LSS: variants seen among roughly 807,000 people sequenced by gnomAD.
LSS encodes the protein 2,3-epoxysqualene-lanosterol cyclase.
A neutral mutation model predicts 110.3 loss-of-function variants in LSS; 90 were observed. That is an observed-to-expected ratio of 0.82 (90% confidence interval 0.69 to 0.97). The LOEUF (loss-of-function observed/expected upper bound fraction) is 0.97. Ranked by LOEUF, LSS falls within the 50% of genes least tolerant of loss-of-function variation. The pLI is 0.00. For synonymous variants in LSS, 433 were observed against 400.0 expected, an observed-to-expected ratio of 1.08 and a Z score of -0.98; for missense variants, 927 against 990.0, an observed-to-expected ratio of 0.94 and a Z score of 0.85.
At chr21:46,225,422 C>T (rs1219521712) in intron 3 of LSS, 2 of 452,830 alleles carry the variant, frequency 4.4e-6, no homozygotes, top group African/African-American at 4.0e-5. Flanking sequence ...CAAGGAAAAA[C>T]ACCCGCTACT....
chr21:46,196,338 C>T, intron 17 of LSS, 71 bp from the exon 18 acceptor site: 1 of 1,251,358 alleles, frequency 8.0e-7, no homozygotes, highest in Non-Finnish European at 1.2e-6. Context: ...TCCATCCTTT[C>T]CAGGGTCTCA....
At chr21:46,217,243 C>CAAAA (rs752647829) in intron 6 of LSS, among the ~76,000 whole-genome samples, 1 of 42,378 alleles carries the variant, frequency 2.4e-5, no homozygotes, top group Non-Finnish European at 5.5e-5. Context: ...GACTCTGTCT[C>CAAAA]AAAAAAAAAA....
rs116901161 is a variant in LSS at position 46,220,175 on chromosome 21, C to G, written c.551-603G>C. On this transcript the variant is annotated intron_variant, in intron 5 of 21. Coordinates refer to ENST00000397728, the MANE Select transcript of LSS (RefSeq NM_002340.6). ...TCTGAGGAGTCCCTGCTCCAAACCC[C>G]AAAAGGTATGCAAAAGTCAATAAAG... The G allele has an allele frequency of 2.8e-3, 430 of 152,468 alleles. 16 individuals carry two copies. In the East Asian group the frequency reaches 0.073, roughly 26 times the overall value. 9.4% of individuals were successfully genotyped at this position (152,468 alleles called of 1,614,324 possible). A position where few individuals can be genotyped will look rare whatever the true frequency, so the allele number is the denominator to read the frequency against.
At chr21:46,212,273 G>A (rs549543571) in intron 11 of LSS, among the ~76,000 whole-genome samples, 78 of 152,338 alleles carry the variant, frequency 5.1e-4, no homozygotes, top group South Asian at 1.7e-3. Context: ...CTGGGCCCAC[G>A]TGTATCCATC....
intron 7 of LSS, 53 bp from the exon 8 acceptor site, chr21:46,215,846 G>A (rs2080200623): frequency 1.6e-6 from 2 of 1,250,666 alleles, no homozygotes; most frequent in South Asian, 1.3e-5. Flanking sequence ...GGTAGGCCTG[G>A]CTCAAACCAG....
At chr21:46,213,400 C>T (rs1473704002) in intron 10 of LSS, among the ~76,000 whole-genome samples, 1 of 152,226 alleles carries the variant, frequency 6.6e-6, no homozygotes, top group African/African-American at 2.4e-5. Flanking sequence ...GCTCTCTGCC[C>T]TCCATGACAG....
Position 46,216,676 on chromosome 21 carries a change from T to C in LSS, c.648-152A>G. On this transcript the variant is annotated intron_variant, in intron 6 of 21. Coordinates refer to ENST00000397728, the MANE Select transcript of LSS (RefSeq NM_002340.6). The surrounding 1 kb of genome is among the most constrained non-coding windows in gnomAD (Gnocchi z 4.2). ...ATCTGCGGGCATTTCCCAACCGTGC[T>C]CCTGAGGGGCACAGTTGAACCATAG... 3.0e-6 allele frequency: 3 copies of C among 1,004,482 alleles called. No homozygotes were observed. The highest frequency in any genetic ancestry group is 4.2e-6 in the Non-Finnish European group (3 of 707,962). The allele number at this position is 1,004,482 out of a possible 1,614,324, so 62.2% of individuals were successfully genotyped here.
At chr21:46,202,464 G>C (rs2079992220) in intron 17 of LSS, among the ~76,000 whole-genome samples, 1 of 151,190 alleles carries the variant, frequency 6.6e-6, no homozygotes, top group Non-Finnish European at 1.5e-5. Flanking sequence ...CCATTTAAAA[G>C]TTAAAAACTT....
At chr21:46,196,821 C>T (rs1239848288) in intron 17 of LSS, among the ~76,000 whole-genome samples, 1 of 152,230 alleles carries the variant, frequency 6.6e-6, no homozygotes, top group Non-Finnish European at 1.5e-5. Context: ...CCGCGACTCC[C>T]ATGGTGCTAG....
chr21:46,226,963 G>A (rs907767692), intron 3 of LSS, among the ~76,000 whole-genome samples: 1 of 152,192 alleles, frequency 6.6e-6, no homozygotes, highest in African/African-American at 2.4e-5. Flanking sequence ...GTGATTACAA[G>A]TCACTAGGGA....
At chr21:46,205,496 T>C (rs1252684735) in intron 17 of LSS, among the ~76,000 whole-genome samples, 1 of 152,240 alleles carries the variant, frequency 6.6e-6, no homozygotes, top group African/African-American at 2.4e-5. Flanking sequence ...AAGACCAACC[T>C]GTACACTTTT....
intron 3 of LSS, among the ~76,000 whole-genome samples, chr21:46,224,204 C>T (rs1388560836): frequency 2.6e-5 from 4 of 152,232 alleles, no homozygotes; most frequent in East Asian, 1.9e-4. Context: ...CCTCTCTCTG[C>T]CTCGGCTGCC....
intron 19 of LSS, among the ~76,000 whole-genome samples, chr21:46,195,347 G>A (rs1449684980): frequency 6.6e-6 from 1 of 152,166 alleles, no homozygotes; most frequent in Non-Finnish European, 1.5e-5. Flanking sequence ...TTGGAAGGCC[G>A]AGGTAGGAAG....
chr21:46,199,979 T>G (rs2079959134), intron 17 of LSS, among the ~76,000 whole-genome samples: 1 of 152,176 alleles, frequency 6.6e-6, no homozygotes, highest in Admixed American at 6.5e-5. Context: ...ACGCACCACT[T>G]GAATGCAAGA....
At chr21:46,199,682 A>G (rs906431788) in intron 17 of LSS, among the ~76,000 whole-genome samples, 3 of 152,244 alleles carry the variant, frequency 2.0e-5, no homozygotes, top group Non-Finnish European at 2.9e-5. Flanking sequence ...GAAATGTGCT[A>G]TTGAGCCATA....
chr21:46,225,126 TATG>T (rs2080321337), intron 3 of LSS: 1 of 177,530 alleles, frequency 5.6e-6, no homozygotes. Flanking sequence ...AGATCATACA[TATG>T]ATTATATATG....
chr21:46,225,397 C>T (rs568410476), intron 3 of LSS: 19 of 453,230 alleles, frequency 4.2e-5, no homozygotes, highest in African/African-American at 2.6e-4. Context: ...CGTGGTCTAG[C>T]GGTAGCGTCA....
chr21:46,202,381 G>A (rs1216285712), intron 17 of LSS, among the ~76,000 whole-genome samples: 4 of 141,650 alleles, frequency 2.8e-5, no homozygotes, highest in African/African-American at 7.7e-5. Context: ...GCGACAGAGC[G>A]AGACTCCGTC....
At chr21:46,226,144 A>C (rs2080337469) in intron 3 of LSS, among the ~76,000 whole-genome samples, 2 of 151,998 alleles carry the variant, frequency 1.3e-5, no homozygotes, top group African/African-American at 4.8e-5. Flanking sequence ...TCAAAAAAAA[A>C]AAAAAAATAC....
Sources: gnomAD v4.1 joint callset for allele counts (sites outside exome capture counted in the v4.1 genomes callset) on GRCh38, gnomAD v4.1.1 for gene constraint, Gnocchi (gnomAD v3.1) non-coding constraint, MANE v1.5 for transcripts, NCBI Gene and HGNC (gene_info 2026-07-23, HGNC 2026-07-21) for gene names.